Variants in TST observed in about 807,000 individuals in gnomAD.
TST encodes the protein thiosulfate sulfurtransferase, also known as epididymis secretory sperm binding protein.
TST carries 22 observed loss-of-function variants against 20.4 expected under a neutral mutation model. That is an observed-to-expected ratio of 1.08 (90% confidence interval 0.77 to 1.54). The LOEUF is 1.54. Among genes scored for constraint, TST ranks in the 40% most tolerant of loss-of-function variants. The pLI, the probability that TST is intolerant of heterozygous loss-of-function variation, is 0.00. For synonymous variants in TST, 187 were observed against 173.8 expected (o/e 1.08, Z -0.60); for missense variants, 392 against 405.2 (o/e 0.97, Z 0.28).
chr22:37,010,889 G>A lies in TST; in HGVS notation c.*138C>T. The A allele has an allele frequency of 1.6e-6, 2 of 1,263,052 alleles. No homozygotes were observed. The highest frequency in any genetic ancestry group is 2.9e-5 in the South Asian group (2 of 68,950). The allele number at this position is 1,263,052 out of a possible 1,614,324, so 78.2% of individuals were successfully genotyped here. On this transcript the variant is annotated 3_prime_UTR_variant, in exon 3 of 3. Transcript: ENST00000249042. ...CTCAGAAAAGGCAAAGTTTATTCCA[G>A]TGTTGACAGAGAGAGGGTGAGCCTT...
At position 37,018,119 on chromosome 22, in the gene TST, C is replaced by T. The variant is rs1922759356; in HGVS notation, c.595+19G>A. ...TGGGGCAATACTCCCCAGGGACCAC[C>T]CAGCACTGGGACACCTACCTACTGC... is the stretch of plus-strand genomic sequence containing the variant. On this transcript the variant is annotated intron_variant, in intron 2 of 2. Transcript: ENST00000249042. The T allele has an allele frequency of 2.0e-6, 3 of 1,518,186 alleles. No individual in the cohort carries two copies. The highest frequency in any genetic ancestry group is 2.8e-5 in the African/African-American group (2 of 72,292). 94.0% of individuals were successfully genotyped at this position (1,518,186 alleles called of 1,614,324 possible).
chr22:37,011,975 T>G (rs1055678724), intron 2 of TST, among the ~76,000 whole-genome samples: 2 of 152,334 alleles, frequency 1.3e-5, no homozygotes, highest in East Asian at 3.9e-4. Context: ...AGCACACAGT[T>G]GCAGAAAGAG....
Position 37,011,220 on chromosome 22 carries a change from T to C in TST, c.701A>G (p.Gln234Arg), listed in dbSNP as rs764451826. 1 of 1,614,008 alleles carries C rather than the reference T, an allele frequency of 6.2e-7. No individual in the cohort carries two copies. The change falls in exon 3 of 3, where the codon CAG becomes CGG. Residue 234 changes from glutamine (Q) to arginine (R), a missense_variant. Coordinates refer to ENST00000249042, the MANE Select transcript of TST (RefSeq NM_003312.6). ...KGPEELRALF[Q>R]TKKVDLSQPL... is the part of the protein sequence containing the mutation. Reference sequence around the variant, plus strand: ...CTGCGAGAGATCCACCTTCTTGGTCTGGAACAGAGCACGGAGCTCTTCTGG... The same window carrying C: ...CTGCGAGAGATCCACCTTCTTGGTCCGGAACAGAGCACGGAGCTCTTCTGG...
At chr22:37,010,859 C>T (rs1371643619), downstream of TST, 2 of 926,218 alleles carry the variant, frequency 2.2e-6, no homozygotes, top group Non-Finnish European at 3.2e-6. Context: ...CAGGCAAACA[C>T]ACTACTCAGA....
At position 37,011,326 on chromosome 22, in the gene TST, C is replaced by T. The variant is rs576058184; in HGVS notation, c.596-1G>A. The T allele has an allele frequency of 3.2e-5, 51 of 1,609,616 alleles. No individual in the cohort carries two copies. The highest frequency in any genetic ancestry group is 4.0e-5 in the Non-Finnish European group (47 of 1,176,684). On this transcript the variant is annotated splice_acceptor_variant, in intron 2 of 2. Coordinates refer to ENST00000249042, the MANE Select transcript of TST (RefSeq NM_003312.6). LOFTEE classifies it high-confidence loss of function. ...CCACGGATATGGCCCGAGTCCAGTC[C>T]TGGGCAGGGCAGAGGACACAGCTTA...
chr22:37,020,057 C>CGTGGCGA (rs1250863160), upstream of TST: 3 of 260,010 alleles, frequency 1.2e-5, no homozygotes, highest in Admixed American at 5.5e-5. Flanking sequence ...CGGGTGGGGT[C>CGTGGCGA]GTGGCGAGTG....
At chr22:37,017,713 A>G (rs977206854) in intron 2 of TST, among the ~76,000 whole-genome samples, 1 of 152,154 alleles carries the variant, frequency 6.6e-6, no homozygotes, top group Non-Finnish European at 1.5e-5. Flanking sequence ...GTTGATGTCT[A>G]TAAGGGTTTC....
At chr22:37,015,256 T>C (rs943466548) in intron 2 of TST, among the ~76,000 whole-genome samples, 7 of 152,176 alleles carry the variant, frequency 4.6e-5, no homozygotes, top group African/African-American at 1.7e-4. Flanking sequence ...CAGAAGAGAC[T>C]ATATAAAAAG....
At chr22:37,012,537 C>G (rs901227151) in intron 2 of TST, among the ~76,000 whole-genome samples, 7 of 152,216 alleles carry the variant, frequency 4.6e-5, no homozygotes, top group Non-Finnish European at 8.8e-5. Context: ...TGCACTTTGG[C>G]CTGACACAGG....
At chr22:37,012,947 G>A (rs1460369278) in intron 2 of TST, among the ~76,000 whole-genome samples, 2 of 151,938 alleles carry the variant, frequency 1.3e-5, no homozygotes. Context: ...GAGGCTGAGG[G>A]AGGAGAAACG....
upstream of TST, chr22:37,020,168 G>A (rs1202271698): frequency 8.4e-6 from 3 of 358,840 alleles, no homozygotes; most frequent in Non-Finnish European, 1.5e-5. Context: ...TGACCCAGAG[G>A]CCCCAGGAAG....
At position 37,011,089 on chromosome 22, in the gene TST, C is replaced by T. The variant is rs373984460; in HGVS notation, c.832G>A (p.Glu278Lys). The change falls in exon 3 of 3, where the codon GAG becomes AAG. Residue 278 changes from glutamate to lysine, a missense_variant. By Grantham distance (56) the Glu-to-Lys change is moderately conservative. Coordinates refer to ENST00000249042, the MANE Select transcript of TST (RefSeq NM_003312.6). ...TCTGGGGGGGCCCGGCGAAACCACTCGGACCAGGAGCCATCGTACACGGCC... is the reference window on the plus strand; with the variant it reads ...TCTGGGGGGGCCCGGCGAAACCACTTGGACCAGGAGCCATCGTACACGGCC... Reference protein sequence around the residue: ...DVAVYDGSWSEWFRRAPPESR... With the variant: ...DVAVYDGSWSKWFRRAPPESR... 117 of 1,612,952 alleles carry T rather than the reference C, an allele frequency of 7.3e-5. No individual in the cohort carries two copies. Among genetic ancestry groups the T allele is most frequent in the Non-Finnish European group, 9.2e-5 (109 of 1,180,024 alleles).
intron 2 of TST, among the ~76,000 whole-genome samples, chr22:37,014,494 A>G (rs1922603209): frequency 6.6e-6 from 1 of 152,206 alleles, no homozygotes; most frequent in Admixed American, 6.5e-5. Flanking sequence ...CCCTGCCCCC[A>G]GCAGGCATGC....
At position 37,018,481 on chromosome 22, in the gene TST, A is replaced by G. The variant is rs759282502; in HGVS notation, c.252T>C (p.Tyr84=). 132 of 1,610,066 alleles carry G rather than the reference A, an allele frequency of 8.2e-5. No individual in the cohort carries two copies. Among genetic ancestry groups the G allele is most frequent in the Non-Finnish European group, 1.1e-4 (129 of 1,178,384 alleles). ...MLPSEAGFAE[Y]VGRLGISNHT... ...GGTTGCTGATGCCCAGGCGGCCCAC[A>G]TACTCGGCGAAGCCAGCCTCGCTGG... Residue 84 remains tyrosine (Y), a synonymous_variant, in exon 2 of 3, where the codon TAT becomes TAC. Coordinates refer to ENST00000249042, the MANE Select transcript of TST (RefSeq NM_003312.6).
chr22:37,016,349 G>A (rs763368020), intron 2 of TST, among the ~76,000 whole-genome samples: 2 of 152,078 alleles, frequency 1.3e-5, no homozygotes, highest in Non-Finnish European at 2.9e-5. Context: ...ACTGGACTGA[G>A]GTCACTCCAA....
At chr22:37,018,057 G>A in intron 2 of TST, 81 bp downstream of exon 2, 13 of 1,108,196 alleles carry the variant, frequency 1.2e-5, no homozygotes, top group Non-Finnish European at 1.6e-5. Context: ...ACGGACCCTG[G>A]AGAGGGTCCC....
At position 37,018,666 on chromosome 22, in the gene TST, C is replaced by A; in HGVS notation, c.67G>T (p.Gly23Cys). 1 of 1,554,646 alleles carries A rather than the reference C, an allele frequency of 6.4e-7. No individual in the cohort carries two copies. Among genetic ancestry groups the A allele is most frequent in the Non-Finnish European group, 8.7e-7 (1 of 1,150,852 alleles). ...ACCCGCAGGCCGGGCCCCAGCTTGCCAGTCCTGATGGACTCCGCCAGCCAC... is the reference window on the plus strand; with the variant it reads ...ACCCGCAGGCCGGGCCCCAGCTTGCAAGTCCTGATGGACTCCGCCAGCCAC... The part of the protein sequence containing the change: ...TKWLAESIRT[G>C]KLGPGLRVLD... The change falls in exon 2 of 3, where the codon GGC becomes TGC. Residue 23 changes from glycine to cysteine, a missense_variant. Gly to Cys is a radical substitution (Grantham distance 159, BLOSUM62 -3). Transcript: ENST00000249042.
intron 2 of TST, among the ~76,000 whole-genome samples, chr22:37,013,995 G>A (rs1406800816): frequency 3.3e-5 from 5 of 152,188 alleles, no homozygotes; most frequent in Admixed American, 2.6e-4. Flanking sequence ...AGCAAGGGGA[G>A]CTCAGGGCCT....
chr22:37,020,032 C>A, upstream of TST: 1 of 362,828 alleles, frequency 2.8e-6, no homozygotes, highest in Non-Finnish European at 4.8e-6. Flanking sequence ...TGACTGTCCG[C>A]TTGGGGCGGC....
Sources: gnomAD v4.1 joint callset for allele counts (sites outside exome capture counted in the v4.1 genomes callset) on GRCh38, gnomAD v4.1.1 for gene constraint, MANE v1.5 for transcripts, NCBI Gene and HGNC (gene_info 2026-07-23, HGNC 2026-07-21) for gene names.